Variants in SCYL3 observed in about 807,000 individuals in gnomAD.
SCYL3 encodes the protein protein-associating with the carboxyl-terminal domain of ezrin.
In SCYL3, 35 loss-of-function variants were observed where a neutral mutation model predicts 73.8. The ratio of observed to expected loss-of-function variants is 0.47; its 90% confidence interval spans 0.36 to 0.63. The LOEUF is 0.63. Among genes scored for constraint, SCYL3 ranks in the 20% least tolerant of loss-of-function variants. SCYL3 has a pLI of 0.00. For synonymous variants in SCYL3, 277 were observed against 295.2 expected, an observed-to-expected ratio of 0.94 and a Z score of 0.63; for missense variants, 712 against 798.9, an observed-to-expected ratio of 0.89 and a Z score of 1.31.
At chr1:169,877,258 C>T (rs957797851) in intron 3 of SCYL3, among the ~76,000 whole-genome samples, 2 of 151,942 alleles carry the variant, frequency 1.3e-5, no homozygotes, top group Admixed American at 6.5e-5. Flanking sequence ...TGGGCTCAAG[C>T]AATCCTCCCA....
In SCYL3 at chr1:169,851,045, C is replaced by CTTTTTTTTTTT. The variant is rs58984684; in HGVS notation, c.*2657_*2667dup. ...CCCAAGCCAGGGTAAGCTCAGGGCC[C>CTTTTTTTTTTT]TTTTTTTTTTTTTTTTTTTTTTTTT... On this transcript the variant is annotated 3_prime_UTR_variant, in exon 13 of 13. Coordinates refer to ENST00000367771, the MANE Select transcript of SCYL3 (RefSeq NM_020423.7). 1 of 17,310 alleles carries CTTTTTTTTTTT rather than the reference C, an allele frequency of 5.8e-5. No homozygotes were observed. The highest frequency in any genetic ancestry group is 0.056 in the Middle Eastern group (1 of 18). The allele number at this position is 17,310 out of a possible 1,614,324, so 1.1% of individuals were successfully genotyped here.
At position 169,853,386 on chromosome 1, in the gene SCYL3, C is replaced by A; in HGVS notation, c.*327G>T. ...AAATTAAGCTAACCAGCTTGAATTA[C>A]ATTTTCTTTACTTCCAGAATTGTCC... On this transcript the variant is annotated 3_prime_UTR_variant, in exon 13 of 13. Coordinates refer to ENST00000367771, the MANE Select transcript of SCYL3 (RefSeq NM_020423.7). 2.9e-6 allele frequency: 1 copy of A among 341,010 alleles called. No individual in the cohort carries two copies. Among genetic ancestry groups the A allele is most frequent in the Non-Finnish European group, 5.3e-6 (1 of 189,348 alleles). The allele number at this position is 341,010 out of a possible 1,614,324, so 21.1% of individuals were successfully genotyped here.
At position 169,854,522 on chromosome 1, in the gene SCYL3, T is replaced by G. The variant is rs1243019581; in HGVS notation, c.1755A>C (p.Lys585Asn). 2 of 1,613,990 alleles carry G rather than the reference T, an allele frequency of 1.2e-6. No homozygotes were observed. Among genetic ancestry groups the G allele is most frequent in the East Asian group, 2.2e-5 (1 of 44,892 alleles). ...GDDADQIEPP[K>N]VSSQERPLKV... is the part of the protein sequence containing the mutation. ...TAAGGGGCCTTTCTTGTGATGACACTTTTGGCGGCTCGATTTGGTCTGCGT... is the reference window on the plus strand; with the variant it reads ...TAAGGGGCCTTTCTTGTGATGACACGTTTGGCGGCTCGATTTGGTCTGCGT... The change falls in exon 12 of 13, where the codon AAA becomes AAC. Residue 585 changes from lysine (K) to asparagine (N), a missense_variant. Lys to Asn is a moderately conservative substitution (Grantham distance 94). Transcript: ENST00000367771.
At chr1:169,879,300 G>T (rs764675317) in intron 2 of SCYL3, among the ~76,000 whole-genome samples, 1 of 152,230 alleles carries the variant, frequency 6.6e-6, no homozygotes, top group Non-Finnish European at 1.5e-5. Context: ...TAAAAGTCCA[G>T]TAAAAACTTT....
intron 10 of SCYL3, 85 bp downstream of exon 10, chr1:169,862,528 A>G (rs1659722231): frequency 4.2e-6 from 6 of 1,422,822 alleles, no homozygotes; most frequent in Non-Finnish European, 5.8e-6. Context: ...TTTCTAAGCT[A>G]TTATCTGAAT....
At chr1:169,866,338 A>G (rs946903831) in intron 8 of SCYL3, among the ~76,000 whole-genome samples, 3 of 152,244 alleles carry the variant, frequency 2.0e-5, no homozygotes, top group Non-Finnish European at 4.4e-5. Flanking sequence ...AAATGAGTTA[A>G]GCCTTCCCAC....
rs568564181 is a variant in SCYL3 at position 169,887,383 on chromosome 1, C to T, written c.165+1293G>A. ...TCTAGGTTATTCAATTTTCTTGGTACGTGCACCATAAAGTGTAACACAATT... is the reference window on the plus strand; with the variant it reads ...TCTAGGTTATTCAATTTTCTTGGTATGTGCACCATAAAGTGTAACACAATT... On this transcript the variant is annotated intron_variant, in intron 2 of 12. Transcript: ENST00000367771. Among the ~76,000 whole-genome samples, 4 of 151,838 alleles carry T rather than the reference C, an allele frequency of 2.6e-5. No individual in the cohort carries two copies. The East Asian group carries it at 5.8e-4, about 22-fold the overall frequency.
intron 6 of SCYL3, 47 bp downstream of exon 6, chr1:169,870,208 G>C: frequency 7.6e-7 from 1 of 1,315,792 alleles, no homozygotes; most frequent in Non-Finnish European, 1.1e-6. Flanking sequence ...CGTCATGGAT[G>C]ATTTTCCTAC....
intron 5 of SCYL3, among the ~76,000 whole-genome samples, chr1:169,872,240 T>C (rs1231120967): frequency 6.6e-6 from 1 of 152,262 alleles, no homozygotes; most frequent in African/African-American, 2.4e-5. Flanking sequence ...TCAGCCGCTC[T>C]AGCCATGGCA....
chr1:169,881,081 CTTCAG>C (rs891429390), intron 2 of SCYL3, among the ~76,000 whole-genome samples: 1 of 152,150 alleles, frequency 6.6e-6, no homozygotes, highest in African/African-American at 2.4e-5. Context: ...ATATTTACCT[CTTCAG>C]TTATTTAATC....
At chr1:169,893,756 G>A (rs1173404889) in intron 1 of SCYL3, 32 bp downstream of exon 1, 1 of 152,184 alleles carries the variant, frequency 6.6e-6, no homozygotes, top group Non-Finnish European at 1.5e-5. Flanking sequence ...GTCCTGCAAG[G>A]ACTGGGGGCG....
At chr1:169,872,721 C>T (rs1452012846) in intron 5 of SCYL3, among the ~76,000 whole-genome samples, 2 of 152,240 alleles carry the variant, frequency 1.3e-5, no homozygotes, top group South Asian at 2.1e-4. Context: ...CCGCTTGCAT[C>T]AGCGTGACCC....
At chr1:169,867,455 TGA>T in intron 7 of SCYL3, among the ~76,000 whole-genome samples, 1 of 152,258 alleles carries the variant, frequency 6.6e-6, no homozygotes, top group African/African-American at 2.4e-5. Context: ...GGGATTAGTG[TGA>T]GAGGAGTGGT....
At chr1:169,854,128 G>C in intron 12 of SCYL3, 142 bp downstream of exon 12, 1 of 663,582 alleles carries the variant, frequency 1.5e-6, no homozygotes, top group African/African-American at 2.0e-5. Context: ...AGATACCAAT[G>C]ATAGAAACTG....
At position 169,849,746 on chromosome 1, in the gene SCYL3, CTT is replaced by C; in HGVS notation, c.*3965_*3966del. ...CTGAAGGGTACATTACTCGTTATCTCTTTTACAGCTTCTCAAAATGAGGCTTA... is the reference window on the plus strand; with the variant it reads ...CTGAAGGGTACATTACTCGTTATCTCTTACAGCTTCTCAAAATGAGGCTTA... On this transcript the variant is annotated 3_prime_UTR_variant, in exon 13 of 13. Coordinates refer to ENST00000367771, the MANE Select transcript of SCYL3 (RefSeq NM_020423.7). The C allele has an allele frequency of 1.6e-6, 1 of 629,008 alleles. No individual in the cohort carries two copies. The highest frequency in any genetic ancestry group is 2.8e-6 in the Non-Finnish European group (1 of 363,382). 39.0% of individuals were successfully genotyped at this position (629,008 alleles called of 1,614,324 possible).
chr1:169,884,483 A>G (rs1396348135), intron 2 of SCYL3, among the ~76,000 whole-genome samples: 1 of 151,882 alleles, frequency 6.6e-6, no homozygotes, highest in African/African-American at 2.4e-5. Flanking sequence ...TTTTTAGTAG[A>G]GATGGGGTTT....
intron 12 of SCYL3, chr1:169,854,019 C>T: frequency 3.5e-6 from 2 of 577,084 alleles, no homozygotes; most frequent in East Asian, 2.9e-5. Context: ...ACACCAAATC[C>T]TTATTTTAAT....
chr1:169,888,390 CT>C (rs1387281335), intron 2 of SCYL3, among the ~76,000 whole-genome samples: 1 of 152,188 alleles, frequency 6.6e-6, no homozygotes, highest in Non-Finnish European at 1.5e-5. Flanking sequence ...CTTATATTAG[CT>C]ACATAAAAAT....
chr1:169,888,567 C>T (rs1661836146), intron 2 of SCYL3, 109 bp downstream of exon 2: 1 of 819,190 alleles, frequency 1.2e-6, no homozygotes, highest in Non-Finnish European at 1.9e-6. Context: ...AAATAAAATA[C>T]TGGTCCTTAT....
Sources: gnomAD v4.1 joint callset for allele counts (sites outside exome capture counted in the v4.1 genomes callset) on GRCh38, gnomAD v4.1.1 for gene constraint, MANE v1.5 for transcripts, NCBI Gene and HGNC (gene_info 2026-07-23, HGNC 2026-07-21) for gene names.